PTPRD: variants seen among roughly 807,000 people sequenced by gnomAD.
The protein encoded by PTPRD is receptor-type tyrosine-protein phosphatase delta.
Under a neutral mutation model 214.5 loss-of-function variants are expected in PTPRD, and 34 were observed. The ratio of observed to expected loss-of-function variants is 0.16; its 90% CI spans 0.12 to 0.21. PTPRD has a LOEUF of 0.21. Ranked by LOEUF, PTPRD falls within the 10% of genes least tolerant of loss-of-function variation. PTPRD has a pLI of 1.00. For synonymous variants in PTPRD, 1,128 were observed against 845.7 expected (o/e 1.33, Z -5.79); for missense variants, 2,545 against 2,398.7 (o/e 1.06, Z -1.27).
At chr9:9,326,495 C>A (rs1202450501) in intron 9 of PTPRD, among the ~76,000 whole-genome samples, 1 of 151,618 alleles carries the variant, frequency 6.6e-6, no homozygotes, top group Non-Finnish European at 1.5e-5. Context: ...TCTATGATTG[C>A]AAAGCTAGTA....
intron 8 of PTPRD, among the ~76,000 whole-genome samples, chr9:9,476,610 T>C (rs950621110): frequency 2.6e-5 from 4 of 152,204 alleles, no homozygotes; most frequent in Non-Finnish European, 5.9e-5. Context: ...CTCTATAATA[T>C]AACTTATGTT....
intron 8 of PTPRD, among the ~76,000 whole-genome samples, chr9:9,482,210 A>G (rs984293952): frequency 6.6e-6 from 1 of 152,038 alleles, no homozygotes; most frequent in Non-Finnish European, 1.5e-5. Flanking sequence ...TTTTAATAAG[A>G]TCTCCTCTTT....
In PTPRD at chr9:9,978,552, G is replaced by C. The variant is rs532239322; in HGVS notation, c.-471-39942C>G. On this transcript the variant is annotated intron_variant, in intron 4 of 45. Transcript: ENST00000381196. ...TTTAAAAAATAAATAAAAAAGCAGA[G>C]CATTAAGAGGCATGGGACACCATCA... 2.0e-5 allele frequency among the ~76,000 whole-genome samples: 3 copies of C among 152,116 alleles called. No individual in the cohort carries two copies. In the South Asian group the frequency reaches 6.2e-4, roughly 32 times the overall value.
At chr9:9,946,057 G>GTTGGGACAGTCACCCTTCCCTTTCCCAC (rs1555374503) in intron 4 of PTPRD, among the ~76,000 whole-genome samples, 8 of 151,118 alleles carry the variant, frequency 5.3e-5, no homozygotes, top group Admixed American at 4.6e-4. Context: ...TCCTTTCCCA[G>GTTGGGACAGTCACCCTTCCCTTTCCCAC]TTGGGAAAGT....
intron 8 of PTPRD, among the ~76,000 whole-genome samples, chr9:9,547,103 T>A (rs996148507): frequency 4.6e-5 from 7 of 151,994 alleles, no homozygotes; most frequent in Non-Finnish European, 7.4e-5. Context: ...ACAAAAACCA[T>A]AAAATTGCAC....
chr9:10,033,115 G>A (rs1244602187), intron 4 of PTPRD, among the ~76,000 whole-genome samples: 1 of 150,430 alleles, frequency 6.6e-6, no homozygotes, highest in South Asian at 2.1e-4. Flanking sequence ...TTCTGTACAT[G>A]TACCTACAGA....
chr9:9,863,265 G>A (rs1325787766), intron 5 of PTPRD, among the ~76,000 whole-genome samples: 1 of 152,116 alleles, frequency 6.6e-6, no homozygotes, highest in Non-Finnish European at 1.5e-5. Context: ...AGTGGTGCAG[G>A]GGAGTTGGAT....
At chr9:9,413,976 AAG>A (rs2076275305) in intron 8 of PTPRD, among the ~76,000 whole-genome samples, 1 of 152,228 alleles carries the variant, frequency 6.6e-6, no homozygotes, top group African/African-American at 2.4e-5. Flanking sequence ...TTTTCAGGGA[AAG>A]AGTAGAATTT....
At chr9:8,557,762 A>C (rs561222242) in intron 14 of PTPRD, among the ~76,000 whole-genome samples, 2 of 134,066 alleles carry the variant, frequency 1.5e-5, no homozygotes, top group African/African-American at 6.8e-5. Context: ...AAAAAAAAAA[A>C]AAAAAGAAAA....
intron 9 of PTPRD, among the ~76,000 whole-genome samples, chr9:9,261,378 ACATTCT>A (rs2099980038): frequency 1.3e-5 from 2 of 151,882 alleles, no homozygotes. Flanking sequence ...TTGAATATTA[ACATTCT>A]CAAACTTGTA....
intron 6 of PTPRD, among the ~76,000 whole-genome samples, chr9:9,748,244 A>G (rs941733261): frequency 6.6e-6 from 1 of 152,246 alleles, no homozygotes; most frequent in East Asian, 1.9e-4. Flanking sequence ...TATTACTTCT[A>G]TGTCCTCTGT....
intron 36 of PTPRD, among the ~76,000 whole-genome samples, chr9:8,391,044 A>G (rs1042049207): frequency 3.3e-5 from 5 of 151,048 alleles, no homozygotes; most frequent in African/African-American, 9.8e-5. Flanking sequence ...CAAGCACTTT[A>G]TAGGAATGTC....
intron 11 of PTPRD, among the ~76,000 whole-genome samples, chr9:8,789,632 A>G (rs953199891): frequency 4.6e-5 from 7 of 152,314 alleles, no homozygotes; most frequent in African/African-American, 1.7e-4. Flanking sequence ...TAGAAACAGT[A>G]GAGCAATTTT....
At chr9:9,044,251 A>G (rs1293207415) in intron 10 of PTPRD, among the ~76,000 whole-genome samples, 3 of 152,228 alleles carry the variant, frequency 2.0e-5, no homozygotes, top group Non-Finnish European at 4.4e-5. Flanking sequence ...GAAAACACTC[A>G]ACATGTCACC....
chr9:9,027,785 C>T (rs2099592089), intron 10 of PTPRD, among the ~76,000 whole-genome samples: 1 of 151,820 alleles, frequency 6.6e-6, no homozygotes, highest in Non-Finnish European at 1.5e-5. Flanking sequence ...ATTTATTTTA[C>T]ATTTTACATA....
chr9:9,919,841 A>T (rs2082048419), intron 5 of PTPRD, among the ~76,000 whole-genome samples: 1 of 152,160 alleles, frequency 6.6e-6, no homozygotes, highest in Non-Finnish European at 1.5e-5. Context: ...GTTTGAATTC[A>T]TGTCTTACTA....
At chr9:9,377,990 C>A (rs1485289868) in intron 9 of PTPRD, among the ~76,000 whole-genome samples, 1 of 151,992 alleles carries the variant, frequency 6.6e-6, no homozygotes, top group Non-Finnish European at 1.5e-5. Context: ...CATATACTCC[C>A]TCTCCCACAT....
At chr9:9,049,703 G>A (rs995720353) in intron 10 of PTPRD, among the ~76,000 whole-genome samples, 2 of 152,064 alleles carry the variant, frequency 1.3e-5, no homozygotes, top group African/African-American at 4.8e-5. Flanking sequence ...TTACATGCAG[G>A]CCCTATACCA....
intron 35 of PTPRD, among the ~76,000 whole-genome samples, chr9:8,419,833 A>G (rs750828897): frequency 1.6e-4 from 24 of 152,154 alleles, no homozygotes; most frequent in Admixed American, 3.9e-4. Context: ...AAGTAACAGA[A>G]TATGAGAAAG....
Sources: allele counts gnomAD v4.1 joint callset (sites outside exome capture counted in the v4.1 genomes callset), GRCh38; gene constraint gnomAD v4.1.1; transcripts MANE v1.5; gene names NCBI Gene and HGNC (gene_info 2026-07-23, HGNC 2026-07-21).